The following TAFA2 variants were observed in gnomAD, a reference collection of about 807,000 sequenced individuals.
TAFA2 encodes the protein chemokine-like protein TAFA-2.
In TAFA2, 7 loss-of-function variants were observed where a neutral mutation model predicts 18.8. The observed-to-expected ratio is 0.37, with a 90% CI of 0.21 to 0.70. The LOEUF (loss-of-function observed/expected upper bound fraction) is 0.70, where lower values mean the gene tolerates loss of function less well. Ranked by LOEUF, TAFA2 falls within the 30% of genes least tolerant of loss-of-function variation. TAFA2 has a pLI of 0.53. For missense variants in TAFA2, 122 were observed against 158.1 expected (o/e 0.77, Z 1.23); for synonymous variants, 60 against 54.2 (o/e 1.11, Z -0.47).
At chr12:61,729,345 C>T (rs6581422) in intron 4 of TAFA2, among the ~76,000 whole-genome samples, 15,808 of 151,728 alleles carry the variant, frequency 0.1, 1,081 homozygotes, top group East Asian at 0.23. Context: ...AGATTTCTTC[C>T]TTGGGAACAC....
intron 1 of TAFA2, among the ~76,000 whole-genome samples, chr12:62,100,702 G>A (rs1869158502): frequency 6.6e-6 from 1 of 152,190 alleles, no homozygotes; most frequent in South Asian, 2.1e-4. Flanking sequence ...TAGGCACTCT[G>A]CATGCAGTGA....
intron 1 of TAFA2, among the ~76,000 whole-genome samples, chr12:62,127,303 C>T (rs1376922405): frequency 2.0e-5 from 3 of 151,958 alleles, no homozygotes; most frequent in African/African-American, 7.2e-5. Flanking sequence ...AATTGCACCC[C>T]ACCCACCTCC....
intron 1 of TAFA2, among the ~76,000 whole-genome samples, chr12:62,007,340 A>AT (rs1880587741): frequency 6.6e-6 from 1 of 152,182 alleles, no homozygotes; most frequent in South Asian, 2.1e-4. Flanking sequence ...CCTGATCTTC[A>AT]TAATATATAT....
intron 2 of TAFA2, among the ~76,000 whole-genome samples, chr12:61,824,136 C>A (rs1488249970): frequency 2.6e-5 from 4 of 152,084 alleles, no homozygotes; most frequent in African/African-American, 7.2e-5. Context: ...CTGATAGTAA[C>A]CTCCAGGAGC....
intron 1 of TAFA2, among the ~76,000 whole-genome samples, chr12:62,120,574 A>C (rs181785464): frequency 6.6e-6 from 1 of 151,664 alleles, no homozygotes; most frequent in Non-Finnish European, 1.5e-5. Flanking sequence ...GTCTTTCCAA[A>C]CTCTTCCTTC....
intron 1 of TAFA2, among the ~76,000 whole-genome samples, chr12:61,904,141 T>C (rs989609082): frequency 2.0e-5 from 3 of 152,144 alleles, no homozygotes; most frequent in African/African-American, 7.2e-5. Flanking sequence ...ACATAAAATA[T>C]GTTTATCAGA....
At chr12:62,096,900 A>G (rs2136842461) in intron 1 of TAFA2, among the ~76,000 whole-genome samples, 1 of 152,228 alleles carries the variant, frequency 6.6e-6, no homozygotes, top group East Asian at 1.9e-4. Context: ...CTCATGGGGC[A>G]CATGCCTGAA....
intron 2 of TAFA2, among the ~76,000 whole-genome samples, chr12:61,765,566 G>C (rs1869753824): frequency 6.6e-6 from 1 of 152,052 alleles, no homozygotes. Flanking sequence ...GCAGAGAACG[G>C]AAATATATAA....
chr12:62,080,776 G>A (rs375705871), intron 1 of TAFA2, among the ~76,000 whole-genome samples: 71 of 152,096 alleles, frequency 4.7e-4, no homozygotes, highest in Non-Finnish European at 4.7e-4. Context: ...ACAAGGTGAC[G>A]GAAATGAAAA....
At position 61,777,893 on chromosome 12, in the gene TAFA2, A is replaced by G. The variant is rs1019386582; in HGVS notation, c.107-22869T>C. 2.0e-5 allele frequency among the ~76,000 whole-genome samples: 3 copies of G among 151,896 alleles called. 1 individual carries two copies. In the Middle Eastern group the frequency reaches 0.01, roughly 517 times the overall value. On this transcript the variant is annotated intron_variant, in intron 2 of 4. Coordinates refer to ENST00000416284, the MANE Select transcript of TAFA2 (RefSeq NM_178539.5). ...GGAGAGGTAGGAGGTAGTGTCATCAATGACTCAGTGACAGTGAGAGAAAGG... is the reference window on the plus strand; with the variant it reads ...GGAGAGGTAGGAGGTAGTGTCATCAGTGACTCAGTGACAGTGAGAGAAAGG...
chr12:62,147,517 C>G (rs1183945854), intron 1 of TAFA2, among the ~76,000 whole-genome samples: 2 of 149,936 alleles, frequency 1.3e-5, no homozygotes, highest in Non-Finnish European at 3.0e-5. Context: ...ATCACAAGGT[C>G]AGGAGATCAA....
intron 1 of TAFA2, among the ~76,000 whole-genome samples, chr12:62,038,986 C>T (rs1039684818): frequency 6.6e-6 from 1 of 152,162 alleles, no homozygotes; most frequent in Non-Finnish European, 1.5e-5. Context: ...TACTGCATTG[C>T]TCCTTTGCAA....
At chr12:62,240,376 G>A (rs188421486) in intron 1 of TAFA2, among the ~76,000 whole-genome samples, 21 of 151,276 alleles carry the variant, frequency 1.4e-4, no homozygotes, top group Admixed American at 2.6e-4. Context: ...CCGAGATAGC[G>A]CTATGGCACT....
intron 1 of TAFA2, among the ~76,000 whole-genome samples, chr12:61,976,245 A>G (rs1333060463): frequency 6.6e-6 from 1 of 151,850 alleles, no homozygotes; most frequent in Non-Finnish European, 1.5e-5. Flanking sequence ...TTAATTACCC[A>G]ATCAAAAGGC....
intron 1 of TAFA2, among the ~76,000 whole-genome samples, chr12:61,876,465 T>C (rs1874850517): frequency 6.6e-6 from 1 of 152,172 alleles, no homozygotes; most frequent in Non-Finnish European, 1.5e-5. Flanking sequence ...TCCAGTATGG[T>C]CAATATGCCA....
At chr12:61,995,520 T>C (rs1264693798) in intron 1 of TAFA2, among the ~76,000 whole-genome samples, 2 of 152,222 alleles carry the variant, frequency 1.3e-5, no homozygotes, top group African/African-American at 2.4e-5. Context: ...GTCTTCTCTA[T>C]TAGAATACAG....
intron 1 of TAFA2, among the ~76,000 whole-genome samples, chr12:62,221,499 A>G (rs76363425): frequency 0.022 from 3,349 of 152,224 alleles, 124 homozygotes; most frequent in African/African-American, 0.075. Context: ...CTATTAGTTC[A>G]GGGAAAAACA....
At chr12:62,152,192 A>G (rs2062333276) in intron 1 of TAFA2, among the ~76,000 whole-genome samples, 1 of 152,222 alleles carries the variant, frequency 6.6e-6, no homozygotes, top group African/African-American at 2.4e-5. Context: ...AGCATTTTTT[A>G]ATTACATTCA....
chr12:62,242,118 A>C (rs1275209801), intron 1 of TAFA2, among the ~76,000 whole-genome samples: 2 of 152,336 alleles, frequency 1.3e-5, no homozygotes, highest in Non-Finnish European at 2.9e-5. Context: ...CAGAGAATGC[A>C]ATTAATTCAG....
Sources: gnomAD v4.1 joint callset for allele counts (sites outside exome capture counted in the v4.1 genomes callset) on GRCh38, gnomAD v4.1.1 for gene constraint, MANE v1.5 for transcripts, NCBI Gene and HGNC (gene_info 2026-07-23, HGNC 2026-07-21) for gene names.